UBXN11: variants seen among roughly 807,000 people sequenced by gnomAD.
UBXN11 encodes the protein UBX domain-containing protein 11.
UBXN11 carries 47 observed loss-of-function variants against 62.8 expected under a neutral mutation model. The ratio of observed to expected loss-of-function variants is 0.75; its 90% CI spans 0.59 to 0.95. The LOEUF is 0.95. Among genes scored for constraint, UBXN11 ranks in the 40% least tolerant of loss-of-function variants. UBXN11 has a pLI of 0.00. For synonymous variants in UBXN11, 294 were observed against 267.0 expected, an observed-to-expected ratio of 1.10 and a Z score of -0.99; for missense variants, 638 against 661.7, an observed-to-expected ratio of 0.96 and a Z score of 0.39.
At chr1:26,288,804 T>C (rs1360664345) in intron 8 of UBXN11, among the ~76,000 whole-genome samples, 2 of 152,150 alleles carry the variant, frequency 1.3e-5, no homozygotes, top group Non-Finnish European at 2.9e-5. Context: ...GAGGCAGGCA[T>C]CACCATTTCT....
In UBXN11 at chr1:26,282,934, A is replaced by G; in HGVS notation, c.1081T>C (p.Cys361Arg). 9 of 1,614,198 alleles carry G rather than the reference A, an allele frequency of 5.6e-6. No homozygotes were observed. Among genetic ancestry groups the G allele is most frequent in the Non-Finnish European group, 6.8e-6 (8 of 1,180,034 alleles). The change falls in exon 13 of 15, where the codon TGC (cysteine) becomes CGC (arginine). Residue 361 changes from cysteine (C) to arginine (R), a missense_variant. Cys to Arg is a radical substitution (Grantham distance 180). Coordinates refer to ENST00000374222, the MANE Select transcript of UBXN11 (RefSeq NM_001389556.1). Reference sequence around the variant, plus strand: ...TGGATCCGGGCAGGCAATGGGCAGCAGTTCTGGAAGGTATCAGTGGAGGGT... The same window carrying G: ...TGGATCCGGGCAGGCAATGGGCAGCGGTTCTGGAAGGTATCAGTGGAGGGT... The part of the protein sequence containing the change: ...RGPIRDTLQN[C>R]CPLPARIQEI...
In UBXN11 at chr1:26,297,466, C is replaced by A. The variant is rs1250808186; in HGVS notation, c.316G>T (p.Ala106Ser). The change falls in exon 6 of 15, where the codon GCC becomes TCC. Residue 106 changes from alanine to serine, a missense_variant. Ala to Ser is a moderately conservative substitution (Grantham distance 99). Transcript: ENST00000374222. ...AGGGTCTGCACCAGGTCCTCTAGGG[C>A]CGCTATCTTCTGATCCTGTAGCATA... ...EILSKDQKIA[A>S]LEDLVQTLRP... The A allele has an allele frequency of 6.4e-7, 1 of 1,556,148 alleles. No individual in the cohort carries two copies. Among genetic ancestry groups the A allele is most frequent in the East Asian group, 2.4e-5 (1 of 41,232 alleles).
At chr1:26,303,450 CCT>C (rs1446844999) in intron 1 of UBXN11, among the ~76,000 whole-genome samples, 4 of 151,860 alleles carry the variant, frequency 2.6e-5, no homozygotes, top group African/African-American at 9.7e-5. Context: ...ATGGTGAAAC[CCT>C]GTCTCTACTA....
At chr1:26,303,488 G>A (rs1570132022) in intron 1 of UBXN11, among the ~76,000 whole-genome samples, 1 of 152,130 alleles carries the variant, frequency 6.6e-6, no homozygotes, top group Non-Finnish European at 1.5e-5. Context: ...GCTGGGCGTG[G>A]TGGCGTGCTC....
At chr1:26,294,435 C>A (rs376607015) in intron 7 of UBXN11, 104 bp from the exon 8 acceptor site, 1 of 1,495,398 alleles carries the variant, frequency 6.7e-7, no homozygotes, top group Non-Finnish European at 8.9e-7. Flanking sequence ...GGCAATGGGG[C>A]CCCCAGAGCT....
At chr1:26,309,880 A>G (rs2073723944), upstream of UBXN11, among the ~76,000 whole-genome samples, 1 of 152,212 alleles carries the variant, frequency 6.6e-6, no homozygotes, top group African/African-American at 2.4e-5. Flanking sequence ...GCTGAAAAAA[A>G]TATATACACT....
Position 26,298,075 on chromosome 1 carries a change from C to CTT in UBXN11, c.200-14_200-13insAA. Reference sequence around the variant, plus strand: ...TGGGATGCAGGGACTGCCAAGCACACAAAGTCTTTAGAGCCCAGACCTAGA... The same window carrying CTT: ...TGGGATGCAGGGACTGCCAAGCACACTTAAAGTCTTTAGAGCCCAGACCTAGA... On this transcript the variant is annotated splice_polypyrimidine_tract_variant and intron_variant, in intron 4 of 14. Coordinates refer to ENST00000374222, the MANE Select transcript of UBXN11 (RefSeq NM_001389556.1). The CTT allele has an allele frequency of 6.2e-7, 1 of 1,610,914 alleles. No homozygotes were observed. Among genetic ancestry groups the CTT allele is most frequent in the Non-Finnish European group, 8.5e-7 (1 of 1,179,236 alleles).
intron 6 of UBXN11, 81 bp downstream of exon 6, chr1:26,297,346 C>A: frequency 7.0e-7 from 1 of 1,428,244 alleles, no homozygotes; most frequent in South Asian, 1.4e-5. Flanking sequence ...TGCCAGAAGC[C>A]ATTGTGAAGC....
At chr1:26,283,716 G>A (rs1225388804) in intron 12 of UBXN11, among the ~76,000 whole-genome samples, 1 of 152,220 alleles carries the variant, frequency 6.6e-6, no homozygotes, top group Non-Finnish European at 1.5e-5. Flanking sequence ...GAGGGAGGCA[G>A]AGGAGGCCTG....
At position 26,282,374 on chromosome 1, in the gene UBXN11, A is replaced by G. The variant is rs751097385; in HGVS notation, c.1488T>C (p.Gly496=). The G allele has an allele frequency of 1.2e-5, 7 of 602,072 alleles. No individual in the cohort carries two copies. The highest frequency in any genetic ancestry group is 8.3e-5 in the African/African-American group (3 of 36,174). The allele number at this position is 602,072 out of a possible 1,614,324, so 37.3% of individuals were successfully genotyped here. The change falls in exon 15 of 15, where the codon GGT becomes GGC. Residue 496 remains glycine (G), a synonymous_variant. Coordinates refer to ENST00000374222, the MANE Select transcript of UBXN11 (RefSeq NM_001389556.1). The part of the protein sequence containing the change: ...CPGPGPGPSP[G]PGPGPSPGPG... ...GACCGGGACTGGGGCCGGGACCGGG[A>G]CCGGGACTGGGGCCGGGACCGGGAC...
At chr1:26,315,255 C>T (rs537954798) in intron 1 of UBXN11, among the ~76,000 whole-genome samples, 2 of 152,312 alleles carry the variant, frequency 1.3e-5, no homozygotes, top group South Asian at 4.1e-4. Context: ...AGTATCCTCG[C>T]ATGCATCTCC....
intron 2 of UBXN11, among the ~76,000 whole-genome samples, chr1:26,302,396 C>G (rs2073561121): frequency 8.5e-6 from 1 of 117,060 alleles, no homozygotes; most frequent in Admixed American, 8.7e-5. Context: ...AAAAAAGACT[C>G]AAAGTGGTAT....
At chr1:26,284,579 G>A (rs2073081898) in intron 10 of UBXN11, 97 bp from the exon 11 acceptor site, 1 of 1,453,166 alleles carries the variant, frequency 6.9e-7, no homozygotes, top group Non-Finnish European at 9.1e-7. Context: ...CCAAGGGTAT[G>A]GTCTAATGCA....
At chr1:26,291,291 C>T in intron 8 of UBXN11, among the ~76,000 whole-genome samples, 1 of 152,150 alleles carries the variant, frequency 6.6e-6, no homozygotes, top group Non-Finnish European at 1.5e-5. Context: ...AACGGGGACG[C>T]CGGAGAGATG....
At chr1:26,308,203 G>C (rs902533996), upstream of UBXN11, among the ~76,000 whole-genome samples, 2 of 151,000 alleles carry the variant, frequency 1.3e-5, no homozygotes, top group African/African-American at 4.9e-5. Context: ...GGAGGCGGAG[G>C]TTGCGGTGAG....
rs779654080 is a variant in UBXN11 at position 26,285,951 on chromosome 1, T to TGTC, written c.643_645dup (p.Asp215dup). The TGTC allele has an allele frequency of 8.1e-6, 13 of 1,613,306 alleles. No homozygotes were observed. Among genetic ancestry groups the TGTC allele is most frequent in the Non-Finnish European group, 1.1e-5 (13 of 1,179,606 alleles). ...CCGCCGGGCACTGGTGTCACTTGGG[T>TGTC]GTCACCCTCTACCACCAGCTCACTA... On this transcript the variant is annotated inframe_insertion, in exon 9 of 15. Transcript: ENST00000374222.
At chr1:26,297,818 A>G in intron 5 of UBXN11, 144 bp downstream of exon 5, 1 of 936,388 alleles carries the variant, frequency 1.1e-6, no homozygotes, top group Non-Finnish European at 1.6e-6. Context: ...GATCAGGCCC[A>G]GGCCACACCT....
At chr1:26,308,650 T>C (rs941054264), upstream of UBXN11, among the ~76,000 whole-genome samples, 33 of 152,342 alleles carry the variant, frequency 2.2e-4, no homozygotes, top group Admixed American at 1.9e-3. Context: ...GTTGGACCCA[T>C]GGTCAGGGTG....
chr1:26,285,311 C>T, intron 10 of UBXN11, 153 bp downstream of exon 10: 1 of 1,461,616 alleles, frequency 6.8e-7, no homozygotes, highest in Non-Finnish European at 9.1e-7. Flanking sequence ...CCTTCCCAGC[C>T]CGGCTTCAGA....
Sources: allele counts gnomAD v4.1 joint callset (sites outside exome capture counted in the v4.1 genomes callset), GRCh38; gene constraint gnomAD v4.1.1; transcripts MANE v1.5; gene names NCBI Gene and HGNC (gene_info 2026-07-23, HGNC 2026-07-21).